The following CTSB variants were observed in gnomAD, a reference collection of about 807,000 sequenced individuals.
The protein encoded by CTSB is APP secretase.
A neutral mutation model predicts 44.3 loss-of-function variants in CTSB; 57 were observed. The observed-to-expected ratio is 1.29, with a 90% CI of 1.04 to 1.60. The LOEUF is 1.60. CTSB is among the 40% of genes most tolerant of loss of function. The pLI, the probability that CTSB is intolerant of heterozygous loss-of-function variation, is 0.00. For synonymous variants in CTSB, 320 were observed against 168.0 expected (o/e 1.91, Z -7.00); for missense variants, 768 against 443.0 (o/e 1.73, Z -6.59).
At chr8:11,845,329 GTT>G in intron 9 of CTSB, 107 bp from the exon 10 acceptor site, 3 of 858,936 alleles carry the variant, frequency 3.5e-6, no homozygotes, top group Non-Finnish European at 5.6e-6. Context: ...CACTCCTGCT[GTT>G]GGCCCACTAG....
rs778572899 is a variant in CTSB, at chr8:11,847,705, G to A, written c.650C>T (p.Pro217Leu). 30 of 1,583,124 alleles carry A rather than the reference G, an allele frequency of 1.9e-5. No individual in the cohort carries two copies. Among genetic ancestry groups the A allele is most frequent in the Admixed American group, 1.1e-4 (6 of 52,448 alleles). ...CSKICEPGYS[P>L]TYKQDKHYGY... ...GTAGTGCTTGTCCTGTTTGTAGGTC[G>A]GGCTGTAGCCAGGCTCACAGATCTT... The change falls in exon 7 of 10, where the codon CCG (proline) becomes CTG (leucine). Residue 217 changes from proline (P) to leucine (L), a missense_variant. Pro to Leu is a moderately conservative substitution (Grantham distance 98). Transcript: ENST00000353047.
At chr8:11,866,127 C>G (rs1817113474) in intron 1 of CTSB, among the ~76,000 whole-genome samples, 1 of 152,110 alleles carries the variant, frequency 6.6e-6, no homozygotes, top group South Asian at 2.1e-4. Context: ...CTTCCCAATC[C>G]AACCAAGAGC....
intron 6 of CTSB, 98 bp downstream of exon 6, chr8:11,847,969 C>CT (rs1813760298): frequency 4.5e-6 from 6 of 1,335,914 alleles, no homozygotes; most frequent in East Asian, 2.3e-5. Context: ...AGCAGCCCCT[C>CT]TGTCTCAACC....
intron 3 of CTSB, among the ~76,000 whole-genome samples, chr8:11,851,540 A>G (rs1014015662): frequency 2.6e-5 from 4 of 151,982 alleles, no homozygotes; most frequent in African/African-American, 9.7e-5. Flanking sequence ...TGGATTTTTT[A>G]AGATGAATTT....
intron 3 of CTSB, among the ~76,000 whole-genome samples, chr8:11,851,902 G>C (rs946462738): frequency 4.0e-5 from 6 of 151,334 alleles, no homozygotes; most frequent in African/African-American, 9.7e-5. Flanking sequence ...CCTGACCTCA[G>C]GTGATCCGCT....
chr8:11,863,657 T>C (rs1343780605), intron 1 of CTSB, among the ~76,000 whole-genome samples: 2 of 152,182 alleles, frequency 1.3e-5, no homozygotes, highest in Middle Eastern at 3.2e-3. Context: ...AATGGAACAC[T>C]AGGCATAAGT....
chr8:11,865,561 C>G (rs1816998796), intron 1 of CTSB: 3 of 150,850 alleles, frequency 2.0e-5, no homozygotes, highest in Admixed American at 2.0e-4. Context: ...GCACTCCAGC[C>G]TGGGTGAGAG....
At position 11,847,093 on chromosome 8, in the gene CTSB, C is replaced by G; in HGVS notation, c.752G>C (p.Gly251Ala). The part of the protein sequence containing the change: ...AEIYKNGPVE[G>A]AFSVYSDFLL... ...GAAGTCCGAATACACAGAGAAAGCT[C>G]CCTCCACGGGGCCGTTTTTGTAGAT... is the stretch of plus-strand genomic sequence containing the variant. The change falls in exon 8 of 10, where the codon GGA becomes GCA. Residue 251 changes from glycine (G) to alanine (A), a missense_variant. By Grantham distance (60) the Gly-to-Ala change is moderately conservative (BLOSUM62 0). Transcript: ENST00000353047. The G allele has an allele frequency of 1.2e-6, 2 of 1,613,130 alleles. No homozygotes were observed. The highest frequency in any genetic ancestry group is 1.7e-6 in the Non-Finnish European group (2 of 1,179,166).
intron 1 of CTSB, 83 bp from the exon 2 acceptor site, chr8:11,853,562 C>T (rs1031522435): frequency 5.8e-6 from 8 of 1,380,434 alleles, no homozygotes; most frequent in Non-Finnish European, 7.8e-6. Context: ...TCTCGGGCAT[C>T]AGTGGGGACC....
At position 11,843,600 on chromosome 8, in the gene CTSB, C is replaced by G. The variant is rs533449386; in HGVS notation, c.*1525G>C. The G allele has an allele frequency of 1.5e-4, 23 of 152,362 alleles. No homozygotes were observed. The highest frequency in any genetic ancestry group is 1.4e-3 in the Admixed American group (21 of 15,308). The allele number at this position is 152,362 out of a possible 1,614,324, so 9.4% of individuals were successfully genotyped here. A position where few individuals can be genotyped will look rare whatever the true frequency, so the allele number is the denominator to read the frequency against. The stretch of plus-strand genomic sequence containing the variant: ...AAAATACTGTATACAGGCCCTGACT[C>G]CAGCCCAAACCAAGGCTGGAGGGCA... On this transcript the variant is annotated 3_prime_UTR_variant, in exon 10 of 10. Transcript: ENST00000353047.
Position 11,845,106 on chromosome 8 carries a change from A to T in CTSB, c.*19T>A. 1 of 1,570,594 alleles carries T rather than the reference A, an allele frequency of 6.4e-7. No individual in the cohort carries two copies. The highest frequency in any genetic ancestry group is 1.3e-5 in the African/African-American group (1 of 74,140). On this transcript the variant is annotated 3_prime_UTR_variant, in exon 10 of 10. Coordinates refer to ENST00000353047, the MANE Select transcript of CTSB (RefSeq NM_001908.5). ...CCCCGATCTCGCCCCCAGGACTGGC[A>T]CGACAGGCCCACGGCAGATTAGATC...
At position 11,848,293 on chromosome 8, in the gene CTSB, C is replaced by G. The variant is rs746386360; in HGVS notation, c.447-141G>C. On this transcript the variant is annotated intron_variant, in intron 5 of 9. Transcript: ENST00000353047. ...GTGGTGCGAGCAGACCTCCCAGACC[C>G]CAAACCCTCCAAGGGACGCTCCCTA... The G allele has an allele frequency of 2.2e-5, 16 of 736,200 alleles. No homozygotes were observed. In the African/African-American group the frequency reaches 2.8e-4, roughly 13 times the overall value. 45.6% of individuals were successfully genotyped at this position (736,200 alleles called of 1,614,324 possible).
At chr8:11,852,436 GAGAA>G (rs1814758852) in intron 3 of CTSB, among the ~76,000 whole-genome samples, 170 bp downstream of exon 3, 1 of 152,096 alleles carries the variant, frequency 6.6e-6, no homozygotes, top group South Asian at 2.1e-4. Flanking sequence ...AAAATAAAAA[GAGAA>G]AGTAATATAA....
intron 1 of CTSB, among the ~76,000 whole-genome samples, chr8:11,866,972 G>C (rs568564703): frequency 6.6e-6 from 1 of 152,282 alleles, no homozygotes; most frequent in East Asian, 1.9e-4. Context: ...CTACAAAAAG[G>C]TGCCAGGTCT....
At position 11,867,987 on chromosome 8, in the gene CTSB, T is replaced by G. The variant is rs1017071495; in HGVS notation, c.-26+14A>C. 4 of 151,516 alleles carry G rather than the reference T, an allele frequency of 2.6e-5. No individual in the cohort carries two copies. Among genetic ancestry groups the G allele is most frequent in the African/African-American group, 7.3e-5 (3 of 41,094 alleles). 9.4% of individuals were successfully genotyped at this position (151,516 alleles called of 1,614,324 possible). A position where few individuals can be genotyped will look rare whatever the true frequency, so the allele number is the denominator to read the frequency against. On this transcript the variant is annotated intron_variant, in intron 1 of 9. Coordinates refer to ENST00000353047, the MANE Select transcript of CTSB (RefSeq NM_001908.5). ...TCACTTACGCTGCGGTGGCCCCGGG[T>G]CCCCAGCACTCACCCAGCGCTGCAG...
At chr8:11,852,544 C>G (rs976252615) in intron 3 of CTSB, 66 bp downstream of exon 3, 1 of 1,379,596 alleles carries the variant, frequency 7.2e-7, no homozygotes, top group African/African-American at 1.4e-5. Flanking sequence ...CACTCTCCCA[C>G]TTCCCACTGC....
Position 11,852,636 on chromosome 8 carries a change from G to T in CTSB, c.186C>A (p.Phe62Leu). 6.2e-7 allele frequency: 1 copy of T among 1,613,970 alleles called. No homozygotes were observed. ...MSYLKRLCGT[F>L]LGGPKPPQRV... ...TCTGGGGTGGCTTGGGCCCACCCAG[G>T]AAGGTACCACATAGCCTCTTCAAGT... Residue 62 changes from phenylalanine (F) to leucine (L), a missense_variant, in exon 3 of 10, where the codon TTC becomes TTA. Transcript: ENST00000353047.
chr8:11,848,310 C>G (rs748209252), intron 5 of CTSB, 158 bp from the exon 6 acceptor site: 14 of 707,340 alleles, frequency 2.0e-5, no homozygotes, highest in Admixed American at 1.6e-4. Flanking sequence ...CTCCAAGGGA[C>G]GCTCCCTAGA....
At chr8:11,860,947 G>C (rs555630124) in intron 1 of CTSB, among the ~76,000 whole-genome samples, 1 of 152,306 alleles carries the variant, frequency 6.6e-6, no homozygotes, top group Admixed American at 6.5e-5. Flanking sequence ...CTCAATGCTG[G>C]AGCAGCCCTG....
Sources: gnomAD v4.1 joint callset for allele counts (sites outside exome capture counted in the v4.1 genomes callset) on GRCh38, gnomAD v4.1.1 for gene constraint, MANE v1.5 for transcripts, NCBI Gene and HGNC (gene_info 2026-07-23, HGNC 2026-07-21) for gene names.